RIGI: variants seen among roughly 807,000 people sequenced by gnomAD.
The protein encoded by RIGI is RNA sensor RIG-I.
At chr9:32,461,865 C>G in the RIGI span, among the ~76,000 whole-genome samples, 6 of 152,050 alleles carry the variant, frequency 3.9e-5, no homozygotes, top group Non-Finnish European at 7.4e-5. Flanking sequence ...ACCATTTTAT[C>G]AAGTTAAAAG....
chr9:32,473,198 A>T, the RIGI span: 4 of 498,098 alleles, frequency 8.0e-6, no homozygotes, highest in Non-Finnish European at 3.4e-6. Flanking sequence ...CAAACCTGAG[A>T]AAAAAAGCAT....
At chr9:32,495,885 G>A in the RIGI span, among the ~76,000 whole-genome samples, 1 of 152,084 alleles carries the variant, frequency 6.6e-6, no homozygotes, top group East Asian at 1.9e-4. Flanking sequence ...TTGAACTCCT[G>A]ACCTCAGGTG....
the RIGI span, among the ~76,000 whole-genome samples, chr9:32,471,916 A>C: frequency 1.3e-5 from 2 of 152,124 alleles, no homozygotes; most frequent in African/African-American, 4.8e-5. Flanking sequence ...ACATGAAGGG[A>C]AAGTGCGAGG....
the RIGI span, chr9:32,491,397 C>A: frequency 6.2e-7 from 1 of 1,610,730 alleles, no homozygotes; most frequent in African/African-American, 1.3e-5. Context: ...TCCTCAAGAT[C>A]TTCTGTTTCA....
At chr9:32,482,415 G>C in the RIGI span, among the ~76,000 whole-genome samples, 1 of 152,204 alleles carries the variant, frequency 6.6e-6, no homozygotes, top group African/African-American at 2.4e-5. Flanking sequence ...AAACCCACAT[G>C]TGTCAGATGC....
chr9:32,475,947 A>G, the RIGI span, among the ~76,000 whole-genome samples: 1 of 152,088 alleles, frequency 6.6e-6, no homozygotes, highest in Admixed American at 6.5e-5. Context: ...TTGTCAGACT[A>G]TAAAAAGAAT....
At chr9:32,482,109 G>A in the RIGI span, among the ~76,000 whole-genome samples, 1,123 of 152,134 alleles carry the variant, frequency 7.4e-3, 11 homozygotes, top group African/African-American at 0.026. Flanking sequence ...TGGATAATAT[G>A]ACAACCTCCA....
chr9:32,489,366 G>GT, the RIGI span: 1 of 1,612,098 alleles, frequency 6.2e-7, no homozygotes, highest in Non-Finnish European at 8.5e-7. Flanking sequence ...ATATTATTGT[G>GT]TTTTTTCCTT....
the RIGI span, among the ~76,000 whole-genome samples, chr9:32,465,334 C>T: frequency 1.3e-5 from 2 of 152,240 alleles, no homozygotes; most frequent in South Asian, 4.1e-4. Flanking sequence ...TGTTAATCTG[C>T]TTTAGATAAT....
chr9:32,486,337 C>A, the RIGI span, among the ~76,000 whole-genome samples: 1 of 151,232 alleles, frequency 6.6e-6, no homozygotes, highest in African/African-American at 2.4e-5. Context: ...CTTGTAATTC[C>A]AGCTACTCAG....
At chr9:32,493,790 T>C in the RIGI span, 3 of 1,590,290 alleles carry the variant, frequency 1.9e-6, no homozygotes, top group South Asian at 1.2e-5. Flanking sequence ...TCCTGATTAA[T>C]TAAACATTCA....
the RIGI span, chr9:32,487,613 C>T: frequency 3.1e-6 from 5 of 1,614,092 alleles, no homozygotes; most frequent in Middle Eastern, 1.6e-4. Context: ...CAACACCAAC[C>T]GAGGCAGTCA....
At chr9:32,472,974 C>T in the RIGI span, 5 of 1,604,556 alleles carry the variant, frequency 3.1e-6, no homozygotes, top group Non-Finnish European at 4.3e-6. Context: ...TATATAAATA[C>T]CTGTGTTCTG....
chr9:32,504,669 A>G, the RIGI span, among the ~76,000 whole-genome samples: 2 of 147,812 alleles, frequency 1.4e-5, no homozygotes, highest in Non-Finnish European at 3.0e-5. Context: ...CAGGCAACAG[A>G]GCAAGGCTGT....
At chr9:32,457,570 A>T in the RIGI span, 2 of 728,342 alleles carry the variant, frequency 2.7e-6, no homozygotes, top group Non-Finnish European at 4.2e-6. Context: ...AAAAAAAAAA[A>T]TAGATTCACC....
At chr9:32,505,956 C>A in the RIGI span, among the ~76,000 whole-genome samples, 1 of 152,184 alleles carries the variant, frequency 6.6e-6, no homozygotes, top group Non-Finnish European at 1.5e-5. Context: ...GTGGCTCATG[C>A]CTGTAATCCC....
the RIGI span, among the ~76,000 whole-genome samples, chr9:32,506,769 G>GTT: frequency 6.6e-6 from 1 of 152,036 alleles, no homozygotes; most frequent in Non-Finnish European, 1.5e-5. Flanking sequence ...GGGGAATTTT[G>GTT]TTTTTGTTCT....
At chr9:32,508,369 G>A in the RIGI span, among the ~76,000 whole-genome samples, 1 of 150,574 alleles carries the variant, frequency 6.6e-6, no homozygotes. Context: ...ACAGAAGGCG[G>A]GTGATTTCTG....
chr9:32,481,390 CATCTTT>C, the RIGI span: 1 of 1,613,668 alleles, frequency 6.2e-7, no homozygotes, highest in Non-Finnish European at 8.5e-7. Flanking sequence ...CTGCTCTCTT[CATCTTT>C]GTCTGGCATC....
Sources: gnomAD v4.1 joint callset for allele counts (sites outside exome capture counted in the v4.1 genomes callset) on GRCh38, gnomAD v4.1.1 for gene constraint, MANE v1.5 for transcripts, NCBI Gene and HGNC (gene_info 2026-07-23, HGNC 2026-07-21) for gene names.